Variants in SASH1 observed in about 807,000 individuals in gnomAD.
SASH1 encodes the protein SAM and SH3 domain-containing protein 1.
Under a neutral mutation model 125.2 loss-of-function variants are expected in SASH1, and 44 were observed. The observed-to-expected ratio is 0.35, with a 90% CI of 0.28 to 0.45. The LOEUF is 0.45. Among genes scored for constraint, SASH1 ranks in the 20% least tolerant of loss-of-function variants. The pLI, the probability that SASH1 is intolerant of heterozygous loss-of-function variation, is 1.00. For synonymous variants in SASH1, 639 were observed against 649.1 expected (o/e 0.98, Z 0.24); for missense variants, 1,426 against 1,614.5 (o/e 0.88, Z 2.00).
Position 148,544,293 on chromosome 6 carries a change from C to T in SASH1, c.2823C>T (p.His941=), listed in dbSNP as rs565128259. ...NYDAQPPGAK[H]GLARTPLEGH... ...ATGCTCAGCCTCCTGGAGCTAAACACGGTTTAGCAAGGACGCCTCTGGAGG... is the reference window on the plus strand; with the variant it reads ...ATGCTCAGCCTCCTGGAGCTAAACATGGTTTAGCAAGGACGCCTCTGGAGG... The change falls in exon 18 of 20, where the codon CAC becomes CAT. Residue 941 remains histidine, a synonymous_variant. Transcript: ENST00000367467. This position sits in a 1 kb window ranked among gnomAD's most constrained non-coding sequence, Gnocchi z 6.4. 97 of 1,614,126 alleles carry T rather than the reference C, an allele frequency of 6.0e-5. 1 individual carries two copies. The highest frequency in any genetic ancestry group is 7.7e-5 in the South Asian group (7 of 91,074).
At chr6:148,294,809 T>C (rs1326871866) in intron 1 of SASH1, among the ~76,000 whole-genome samples, 1 of 152,092 alleles carries the variant, frequency 6.6e-6, no homozygotes, top group East Asian at 1.9e-4. Flanking sequence ...AAAAAAGAAC[T>C]TGGAAAAAGT....
chr6:148,543,478 T>C (rs1583334382), intron 17 of SASH1, among the ~76,000 whole-genome samples: 1 of 152,204 alleles, frequency 6.6e-6, no homozygotes, highest in South Asian at 2.1e-4. Flanking sequence ...TTAATAAGAC[T>C]AAGAATTCTT....
In SASH1 at chr6:148,307,024, T is replaced by TTTTCTTTTC. The variant is rs1462921182; in HGVS notation, n.74+34654_74+34655insTCTTTCTTT. ...TCAGCACAACCTACCTTTCTCTTTC[T>TTTTCTTTTC]TTTCTTTCTTTCTTTCTTTCTTTCT... On this transcript the variant is annotated intron_variant and non_coding_transcript_variant, in intron 1 of 3. Transcript: ENST00000367469. 3.9e-3 allele frequency among the ~76,000 whole-genome samples: 467 copies of TTTTCTTTTC among 120,766 alleles called. 1 individual carries two copies. The highest frequency in any genetic ancestry group is 8.0e-3 in the African/African-American group (255 of 31,788). The allele number at this position is 120,766 out of a possible 152,430, so 79.2% of individuals were successfully genotyped here.
chr6:148,473,972 G>T, intron 6 of SASH1, 138 bp from the exon 7 acceptor site: 1 of 584,902 alleles, frequency 1.7e-6, no homozygotes, highest in African/African-American at 1.9e-5. Context: ...GCCACCCTTT[G>T]CTTCATCAGT....
At chr6:148,530,165 G>A (rs9498060) in intron 12 of SASH1, among the ~76,000 whole-genome samples, 2,275 of 152,154 alleles carry the variant, frequency 0.015, 54 homozygotes, top group African/African-American at 0.051. Context: ...AGGGATATTT[G>A]TTTTCTCCGT....
chr6:148,440,455 T>G, intron 4 of SASH1, 48 bp downstream of exon 4: 2 of 1,515,078 alleles, frequency 1.3e-6, no homozygotes, highest in Non-Finnish European at 1.8e-6. Flanking sequence ...GAAGGTGTCT[T>G]TTAGGTCCAT....
intron 1 of SASH1, among the ~76,000 whole-genome samples, chr6:148,388,273 C>CTGAG (rs200503571): frequency 0.037 from 5,579 of 152,234 alleles, 351 homozygotes; most frequent in African/African-American, 0.13. Flanking sequence ...GGCCAGGAGG[C>CTGAG]TGAGGGCCAC....
intron 1 of SASH1, among the ~76,000 whole-genome samples, chr6:148,328,821 T>G (rs1046591560): frequency 6.6e-6 from 1 of 152,194 alleles, no homozygotes; most frequent in Non-Finnish European, 1.5e-5. Context: ...GAAGAAAATA[T>G]TTCATACAAG....
chr6:148,332,179 C>T (rs1781013529), intron 1 of SASH1, among the ~76,000 whole-genome samples: 1 of 152,032 alleles, frequency 6.6e-6, no homozygotes, highest in Non-Finnish European at 1.5e-5. Flanking sequence ...GTTTGGCTCA[C>T]CTGTAAGGCA....
At position 148,519,625 on chromosome 6, in the gene SASH1, C is replaced by G. The variant is rs773507682; in HGVS notation, c.941C>G (p.Pro314Arg). 4.3e-6 allele frequency: 7 copies of G among 1,614,032 alleles called. No homozygotes were observed. The highest frequency in any genetic ancestry group is 1.6e-4 in the Middle Eastern group (1 of 6,084). Residue 314 changes from proline to arginine, a missense_variant, in exon 10 of 20, where the codon CCC (proline) becomes CGC (arginine). Physicochemically the swap from Pro to Arg is moderately radical, Grantham distance 103. Coordinates refer to ENST00000367467, the MANE Select transcript of SASH1 (RefSeq NM_015278.5). This position sits in a 1 kb window ranked among gnomAD's most constrained non-coding sequence, Gnocchi z 4.8. The stretch of plus-strand genomic sequence containing the variant: ...CTCTACTCTGGCGTGCACAAGAAGC[C>G]CCTTTTCTTTGATGGCTCTCCTGAG... Reference protein sequence around the residue: ...SALYSGVHKKPLFFDGSPEKP... With the variant: ...SALYSGVHKKRLFFDGSPEKP...
chr6:148,471,480 GAAT>G lies in SASH1; in HGVS notation c.495_497del (p.Ile165del), dbSNP rs775036601. 6.3e-7 allele frequency: 1 copy of G among 1,576,854 alleles called. No homozygotes were observed. The highest frequency in any genetic ancestry group is 1.1e-5 in the South Asian group (1 of 88,722). ...CAGAACTTCCGAAAGAACCAGAAAG[GAAT>G]AATGAGACAGACTTCAAAAGGTACT... is the stretch of plus-strand genomic sequence containing the variant. On this transcript the variant is annotated inframe_deletion, in exon 6 of 20. Transcript: ENST00000367467.
intron 1 of SASH1, among the ~76,000 whole-genome samples, chr6:148,389,413 AG>A (rs1289797931): frequency 1.3e-5 from 2 of 152,254 alleles, no homozygotes; most frequent in African/African-American, 4.8e-5. Flanking sequence ...TTATTTATGC[AG>A]GTGAATTTGT....
At chr6:148,302,662 TACACAC>T (rs749409477) in intron 1 of SASH1, among the ~76,000 whole-genome samples, 1 of 66,780 alleles carries the variant, frequency 1.5e-5, no homozygotes, top group African/African-American at 6.2e-5. Context: ...TGTATATATA[TACACAC>T]ACACACACAC....
In SASH1 at chr6:148,548,710, C is replaced by A; in HGVS notation, c.*152C>A. 1.2e-6 allele frequency: 1 copy of A among 815,662 alleles called. No homozygotes were observed. The highest frequency in any genetic ancestry group is 1.8e-6 in the Non-Finnish European group (1 of 552,492). 50.5% of individuals were successfully genotyped at this position (815,662 alleles called of 1,614,324 possible). A position where few individuals can be genotyped will look rare whatever the true frequency, so the allele number is the denominator to read the frequency against. On this transcript the variant is annotated 3_prime_UTR_variant, in exon 20 of 20. Coordinates refer to ENST00000367467, the MANE Select transcript of SASH1 (RefSeq NM_015278.5). ...AACAGCGTGAAACCTTGGCACAGGA[C>A]TGAGGATCCTCTCCTCCAGAAAAGC...
the SASH1 span, among the ~76,000 whole-genome samples, chr6:148,264,867 ATC>A: frequency 6.6e-6 from 1 of 152,174 alleles, no homozygotes; most frequent in South Asian, 2.1e-4. Context: ...TGTTTTACTA[ATC>A]TGTTTTTGCA....
At chr6:148,411,551 A>AT (rs574072185) in intron 2 of SASH1, among the ~76,000 whole-genome samples, 31 of 149,640 alleles carry the variant, frequency 2.1e-4, no homozygotes, top group East Asian at 5.9e-4. Flanking sequence ...TATTAGTGTT[A>AT]TTTTTTTTTT....
chr6:148,514,603 A>C (rs1780339079), intron 9 of SASH1, 147 bp downstream of exon 9: 1 of 1,058,318 alleles, frequency 9.4e-7, no homozygotes, highest in Non-Finnish European at 1.3e-6. Flanking sequence ...TGGCAGGACT[A>C]TGCCTGCCAG....
chr6:148,205,525 G>A, the SASH1 span, among the ~76,000 whole-genome samples: 23 of 152,276 alleles, frequency 1.5e-4, no homozygotes, highest in African/African-American at 4.8e-4. Context: ...CCAAGTAGGT[G>A]TTTGTCTCTA....
chr6:148,214,731 G>A, the SASH1 span, among the ~76,000 whole-genome samples: 5 of 152,128 alleles, frequency 3.3e-5, no homozygotes, highest in African/African-American at 4.8e-5. Flanking sequence ...TAGAGAATTC[G>A]TGCTTGGATG....
Sources: allele counts gnomAD v4.1 joint callset (sites outside exome capture counted in the v4.1 genomes callset), GRCh38; gene constraint gnomAD v4.1.1; non-coding constraint Gnocchi (gnomAD v3.1); transcripts MANE v1.5; gene names NCBI Gene and HGNC (gene_info 2026-07-23, HGNC 2026-07-21).